Variants in ACTR2 observed in about 807,000 individuals in gnomAD.
ACTR2 encodes the protein actin-related protein 2.
ACTR2 carries 5 observed loss-of-function variants against 50.2 expected under a neutral mutation model. That is an observed-to-expected ratio of 0.10 (90% CI 0.05 to 0.21). The LOEUF is 0.21. Ranked by LOEUF, ACTR2 falls within the 10% of genes least tolerant of loss-of-function variation. ACTR2 has a pLI of 1.00. For missense variants in ACTR2, 180 were observed against 480.6 expected (o/e 0.37, Z 5.85); for synonymous variants, 140 against 162.9 (o/e 0.86, Z 1.07).
chr2:65,259,421 C>CA (rs982561147), intron 6 of ACTR2, among the ~76,000 whole-genome samples: 1 of 151,138 alleles, frequency 6.6e-6, no homozygotes, highest in Non-Finnish European at 1.5e-5. Flanking sequence ...GACCCTATCT[C>CA]AAAAAAAATA....
At chr2:65,235,191 C>CACGTGGTGTGTGTGT (rs1206090289) in intron 1 of ACTR2, among the ~76,000 whole-genome samples, 1 of 150,814 alleles carries the variant, frequency 6.6e-6, no homozygotes, top group African/African-American at 2.4e-5. Context: ...TGTGTGTGTG[C>CACGTGGTGTGTGTGT]ACGTGGTGTG....
intron 8 of ACTR2, among the ~76,000 whole-genome samples, chr2:65,266,585 A>G (rs1672376385): frequency 6.6e-6 from 1 of 152,064 alleles, no homozygotes; most frequent in Non-Finnish European, 1.5e-5. Context: ...GAGAAATGAT[A>G]GGATCTGATG....
chr2:65,258,104 G>T (rs111776596), intron 6 of ACTR2, among the ~76,000 whole-genome samples: 2 of 152,144 alleles, frequency 1.3e-5, no homozygotes, highest in African/African-American at 4.8e-5. Flanking sequence ...ATTTGCTCTG[G>T]AGATTCCTTC....
At chr2:65,233,719 C>A (rs1671681694) in intron 1 of ACTR2, among the ~76,000 whole-genome samples, 1 of 151,872 alleles carries the variant, frequency 6.6e-6, no homozygotes, top group African/African-American at 2.4e-5. Flanking sequence ...TCAAGTGATT[C>A]TTCTGCCCCA....
At chr2:65,230,334 G>A (rs1021525463) in intron 1 of ACTR2, among the ~76,000 whole-genome samples, 1 of 151,166 alleles carries the variant, frequency 6.6e-6, no homozygotes, top group Non-Finnish European at 1.5e-5. Context: ...TCAAGGTAAT[G>A]AGCCCTGTAT....
At chr2:65,244,465 C>T (rs1487713079) in intron 2 of ACTR2, among the ~76,000 whole-genome samples, 3 of 152,106 alleles carry the variant, frequency 2.0e-5, no homozygotes, top group Admixed American at 6.6e-5. Flanking sequence ...TGGATTCTGA[C>T]ATTAATATAT....
chr2:65,237,566 A>G (rs1671763442), intron 1 of ACTR2, among the ~76,000 whole-genome samples: 1 of 152,182 alleles, frequency 6.6e-6, no homozygotes, highest in African/African-American at 2.4e-5. Context: ...AAGAATTTGT[A>G]ACTGCCGGGC....
intron 1 of ACTR2, among the ~76,000 whole-genome samples, chr2:65,230,941 C>G (rs539569833): frequency 1.3e-5 from 2 of 151,774 alleles, no homozygotes; most frequent in South Asian, 4.2e-4. Flanking sequence ...GAAATCCCAG[C>G]TACTTGGGAG....
chr2:65,242,561 A>G, intron 2 of ACTR2: 1 of 437,708 alleles, frequency 2.3e-6, no homozygotes, highest in Non-Finnish European at 4.5e-6. Flanking sequence ...ATGTAAATAA[A>G]CCATAGATAG....
At chr2:65,264,662 AAGC>A (rs1322584571) in intron 7 of ACTR2, among the ~76,000 whole-genome samples, 1 of 152,218 alleles carries the variant, frequency 6.6e-6, no homozygotes, top group Non-Finnish European at 1.5e-5. Context: ...AAAAATTAAA[AAGC>A]AGGAATTCTG....
chr2:65,256,596 G>T (rs963312558), intron 6 of ACTR2, among the ~76,000 whole-genome samples: 1 of 152,156 alleles, frequency 6.6e-6, no homozygotes, highest in Non-Finnish European at 1.5e-5. Context: ...TGTTGGCCGG[G>T]CGCGGTGGCT....
Position 65,268,048 on chromosome 2 carries a change from AG to A in ACTR2, c.1015-514del, listed in dbSNP as rs1232477321. On this transcript the variant is annotated intron_variant, in intron 8 of 8. Transcript: ENST00000260641. Reference sequence around the variant, plus strand: ...GAGACGGGGTTTCACTGTGTTAGCCAGGATGGTCTCGATCTCCTGACCTCGT... The same window carrying A: ...GAGACGGGGTTTCACTGTGTTAGCCAGATGGTCTCGATCTCCTGACCTCGT... 5.9e-5 allele frequency among the ~76,000 whole-genome samples: 9 copies of A among 151,796 alleles called. No homozygotes were observed. In the East Asian group the frequency reaches 7.8e-4, roughly 13 times the overall value.
At chr2:65,256,263 G>A (rs1024603320) in intron 6 of ACTR2, among the ~76,000 whole-genome samples, 1 of 152,182 alleles carries the variant, frequency 6.6e-6, no homozygotes, top group South Asian at 2.1e-4. Context: ...GTAGGTGGCA[G>A]CCTTTCCTGA....
At chr2:65,268,253 GTGTTAAGTCA>G (rs2104028197) in intron 8 of ACTR2, among the ~76,000 whole-genome samples, 1 of 152,234 alleles carries the variant, frequency 6.6e-6, no homozygotes, top group African/African-American at 2.4e-5. Flanking sequence ...TCTCAGTAGG[GTGTTAAGTCA>G]TGTAATTTAC....
intron 3 of ACTR2, among the ~76,000 whole-genome samples, chr2:65,246,966 C>G (rs1025232691): frequency 6.6e-6 from 1 of 151,798 alleles, no homozygotes; most frequent in African/African-American, 2.4e-5. Context: ...CAGGGAAAAA[C>G]AGACCAAAAA....
intron 6 of ACTR2, 117 bp from the exon 7 acceptor site, chr2:65,261,127 ATTG>A (rs1672261260): frequency 9.7e-6 from 9 of 926,402 alleles, no homozygotes; most frequent in Non-Finnish European, 8.0e-6. Flanking sequence ...TTTAGGAAAA[ATTG>A]TTGTTGGTAA....
chr2:65,236,293 G>A (rs1018236968), intron 1 of ACTR2, among the ~76,000 whole-genome samples: 5 of 149,670 alleles, frequency 3.3e-5, no homozygotes, highest in Non-Finnish European at 5.9e-5. Flanking sequence ...CTGCGATGAC[G>A]TCACTGCACT....
At chr2:65,247,660 C>G (rs1671964316) in intron 3 of ACTR2, among the ~76,000 whole-genome samples, 2 of 152,096 alleles carry the variant, frequency 1.3e-5, no homozygotes, top group East Asian at 3.9e-4. Context: ...TCATAAAGAT[C>G]TTCATCGTCA....
intron 3 of ACTR2, among the ~76,000 whole-genome samples, chr2:65,249,700 A>C (rs180930127): frequency 0.013 from 1,857 of 147,644 alleles, 30 homozygotes; most frequent in African/African-American, 0.045. Flanking sequence ...CAAGATCACC[A>C]AAAAAAAAAT....
Sources: allele counts gnomAD v4.1 joint callset (sites outside exome capture counted in the v4.1 genomes callset), GRCh38; gene constraint gnomAD v4.1.1; transcripts MANE v1.5; gene names NCBI Gene and HGNC (gene_info 2026-07-23, HGNC 2026-07-21).